WDR41: variants seen among roughly 807,000 people sequenced by gnomAD.
The protein encoded by WDR41 is WD repeat domain 41, also known as WD repeat-containing protein 41.
Under a neutral mutation model 69.3 loss-of-function variants are expected in WDR41, and 63 were observed. That is an observed-to-expected ratio of 0.91 (90% CI 0.74 to 1.12). The LOEUF is 1.12. WDR41 is among the 50% of genes most tolerant of loss of function. WDR41 has a pLI of 0.00. For synonymous variants in WDR41, 185 were observed against 192.1 expected, an observed-to-expected ratio of 0.96 and a Z score of 0.31; for missense variants, 543 against 534.5, an observed-to-expected ratio of 1.02 and a Z score of -0.16.
chr5:77,563,368 C>CTCA (rs1363379876), intron 1 of WDR41, among the ~76,000 whole-genome samples: 16 of 152,086 alleles, frequency 1.1e-4, no homozygotes, highest in Admixed American at 1.1e-3. Flanking sequence ...TCTAAGACCC[C>CTCA]TCTACAGCCA....
At chr5:77,529,803 A>C (rs1802500705) in intron 1 of WDR41, among the ~76,000 whole-genome samples, 1 of 151,672 alleles carries the variant, frequency 6.6e-6, no homozygotes, top group Non-Finnish European at 1.5e-5. Flanking sequence ...GGTTCTGGAA[A>C]AATTGTATAT....
upstream of WDR41, among the ~76,000 whole-genome samples, chr5:77,493,696 G>A (rs1035736965): frequency 1.3e-5 from 2 of 152,192 alleles, no homozygotes; most frequent in Admixed American, 6.5e-5. Context: ...GGGAAAGAGG[G>A]ACTTATCTTT....
In WDR41 at chr5:77,463,086, AAAG is replaced by A; in HGVS notation, c.348+6_348+8del. On this transcript the variant is annotated splice_donor_region_variant and intron_variant, in intron 4 of 12. Coordinates refer to ENST00000296679, the MANE Select transcript of WDR41 (RefSeq NM_018268.4). ...ACAGCTTGTTCATTTCTTCCAGATT[AAAG>A]GATACAATAACTGTTCTATCAGCAG... 2 of 1,610,638 alleles carry A rather than the reference AAAG, an allele frequency of 1.2e-6. No individual in the cohort carries two copies. Among genetic ancestry groups the A allele is most frequent in the Non-Finnish European group, 1.7e-6 (2 of 1,178,642 alleles).
At chr5:77,457,789 A>C (rs534951266) in intron 5 of WDR41, among the ~76,000 whole-genome samples, 102 of 140,016 alleles carry the variant, frequency 7.3e-4, no homozygotes, top group African/African-American at 2.8e-3. Context: ...GAACCACTGA[A>C]CTAAATGAGT....
chr5:77,440,403 A>G (rs1799111608), intron 9 of WDR41, among the ~76,000 whole-genome samples: 1 of 152,192 alleles, frequency 6.6e-6, no homozygotes, highest in African/African-American at 2.4e-5. Flanking sequence ...TTCTCACTCA[A>G]TTTATCTTGC....
At position 77,478,856 on chromosome 5, in the gene WDR41, T is replaced by A. The variant is rs534332223; in HGVS notation, c.167+10601A>T. ...TTAGGCAGGAGAAGGAAATAAAGGG[T>A]ATTCAATTAGGAAAAGAGGAAGTCA... is the stretch of plus-strand genomic sequence containing the variant. On this transcript the variant is annotated intron_variant, in intron 2 of 12. Transcript: ENST00000296679. 2.6e-5 allele frequency among the ~76,000 whole-genome samples: 4 copies of A among 151,766 alleles called. No homozygotes were observed. The East Asian group carries it at 7.8e-4, about 29-fold the overall frequency.
chr5:77,537,796 G>T (rs531258346), intron 1 of WDR41, among the ~76,000 whole-genome samples: 7 of 152,152 alleles, frequency 4.6e-5, no homozygotes, highest in African/African-American at 1.7e-4. Context: ...AATACACACT[G>T]CTTCCAGCAT....
rs765021917 is a variant in WDR41 at position 77,463,200 on chromosome 5, A to G, written c.243T>C (p.Asn81=). Residue 81 remains asparagine, a synonymous_variant, in exon 4 of 13, where the codon AAT becomes AAC. Transcript: ENST00000296679. ...TAGCTGTTATCTTTTGAGTGTGTCC[A>G]TTCAGTTCTAAAAGTTTTTCCCCTG... ...AQTGEKLLEL[N]GHTQKITAII... is the part of the protein sequence containing the mutation. 2 of 1,610,858 alleles carry G rather than the reference A, an allele frequency of 1.2e-6. No individual in the cohort carries two copies. The highest frequency in any genetic ancestry group is 4.5e-5 in the East Asian group (2 of 44,634).
chr5:77,601,853 A>C (rs2112325173), intron 1 of WDR41, among the ~76,000 whole-genome samples: 1 of 152,344 alleles, frequency 6.6e-6, no homozygotes, highest in Non-Finnish European at 1.5e-5. Context: ...ATATTTGTAC[A>C]TATTTATGTA....
At chr5:77,437,450 C>A in intron 10 of WDR41, 26 bp from the exon 11 acceptor site, 1 of 1,596,674 alleles carries the variant, frequency 6.3e-7, no homozygotes, top group Non-Finnish European at 8.6e-7. Flanking sequence ...ATCAGTAATA[C>A]AAAAAGAGCG....
intron 1 of WDR41, chr5:77,491,820 T>C: frequency 3.3e-6 from 1 of 302,512 alleles, no homozygotes; most frequent in Non-Finnish European, 6.1e-6. Flanking sequence ...ACTTTTTAAG[T>C]GGAAATGAAG....
chr5:77,449,930 C>T, intron 7 of WDR41, 60 bp from the exon 8 acceptor site: 8 of 1,045,470 alleles, frequency 7.7e-6, no homozygotes, highest in Non-Finnish European at 1.1e-5. Flanking sequence ...AAATACTACT[C>T]CTGCTCTAAA....
At chr5:77,538,159 A>C (rs1193613038) in intron 1 of WDR41, among the ~76,000 whole-genome samples, 5 of 152,148 alleles carry the variant, frequency 3.3e-5, no homozygotes, top group Admixed American at 6.5e-5. Context: ...CCATCTATAC[A>C]TATTATTTAG....
intron 1 of WDR41, among the ~76,000 whole-genome samples, chr5:77,584,435 A>C (rs1171120309): frequency 6.6e-6 from 1 of 152,228 alleles, no homozygotes; most frequent in Non-Finnish European, 1.5e-5. Context: ...CCTTGCAAAG[A>C]AATATTCAAA....
At chr5:77,460,888 T>A (rs993641377) in intron 4 of WDR41, among the ~76,000 whole-genome samples, 8 of 152,192 alleles carry the variant, frequency 5.3e-5, no homozygotes, top group African/African-American at 1.7e-4. Context: ...TTAGGGATGC[T>A]CAACCTGTAG....
chr5:77,612,268 G>A (rs1163962244), intron 1 of WDR41, among the ~76,000 whole-genome samples: 5 of 152,200 alleles, frequency 3.3e-5, no homozygotes, highest in African/African-American at 9.7e-5. Context: ...TAGAAAAAGA[G>A]GGAATCCTTC....
chr5:77,509,611 A>G (rs2112169653), intron 1 of WDR41, among the ~76,000 whole-genome samples: 1 of 152,340 alleles, frequency 6.6e-6, no homozygotes, highest in South Asian at 2.1e-4. Context: ...ACCACATGCT[A>G]TGATTTCATT....
chr5:77,607,248 T>C (rs1416765547), intron 1 of WDR41, among the ~76,000 whole-genome samples: 4 of 152,198 alleles, frequency 2.6e-5, no homozygotes, highest in Admixed American at 6.5e-5. Context: ...CACTGATCAA[T>C]TGTAGCATCA....
chr5:77,565,795 C>T (rs1743615277), intron 1 of WDR41, among the ~76,000 whole-genome samples: 1 of 152,044 alleles, frequency 6.6e-6, no homozygotes, highest in Admixed American at 6.6e-5. Flanking sequence ...TATACTTCTC[C>T]TACTACATTT....
Sources: gnomAD v4.1 joint callset for allele counts (sites outside exome capture counted in the v4.1 genomes callset) on GRCh38, gnomAD v4.1.1 for gene constraint, MANE v1.5 for transcripts, NCBI Gene and HGNC (gene_info 2026-07-23, HGNC 2026-07-21) for gene names.